The following FREM3 variants were observed in gnomAD, a reference collection of about 807,000 sequenced individuals.
The protein encoded by FREM3 is FRAS1-related extracellular matrix protein 3.
FREM3 carries 105 observed loss-of-function variants against 129.1 expected under a neutral mutation model. The observed-to-expected ratio is 0.81, with a 90% confidence interval of 0.69 to 0.96. The LOEUF (loss-of-function observed/expected upper bound fraction) is 0.96. FREM3 is among the 40% of genes least tolerant of loss of function. FREM3 has a pLI of 0.00. For missense variants in FREM3, 2,593 were observed against 2,666.3 expected (o/e 0.97, Z 0.61); for synonymous variants, 1,014 against 1,044.9 (o/e 0.97, Z 0.57).
intron 2 of FREM3, among the ~76,000 whole-genome samples, chr4:143,646,495 G>A (rs528711842): frequency 6.6e-6 from 1 of 152,246 alleles, no homozygotes; most frequent in South Asian, 2.1e-4. Context: ...GAATCATGGG[G>A]GCAGTTTCAG....
intron 2 of FREM3, among the ~76,000 whole-genome samples, chr4:143,637,218 C>G (rs1209950854): frequency 2.0e-5 from 3 of 152,092 alleles, no homozygotes; most frequent in Admixed American, 2.0e-4. Context: ...TTCACATGCA[C>G]AGCTCCAGTT....
intron 2 of FREM3, among the ~76,000 whole-genome samples, chr4:143,691,433 G>A (rs1293167632): frequency 3.3e-5 from 5 of 151,916 alleles, no homozygotes; most frequent in African/African-American, 1.2e-4. Flanking sequence ...AAAAAAGAAA[G>A]TGCAGCCTTG....
At chr4:143,607,857 A>C (rs981496744) in intron 6 of FREM3, among the ~76,000 whole-genome samples, 1 of 152,196 alleles carries the variant, frequency 6.6e-6, no homozygotes, top group Admixed American at 6.5e-5. Flanking sequence ...TCAGAAGTCT[A>C]ACTAAAATAA....
rs1468269146 is a variant in FREM3, at chr4:143,699,789, A to T, written c.887T>A (p.Ile296Asn). The T allele has an allele frequency of 6.5e-7, 1 of 1,535,766 alleles. No homozygotes were observed. Among genetic ancestry groups the T allele is most frequent in the East Asian group, 2.4e-5 (1 of 40,888 alleles). Residue 296 changes from isoleucine (I) to asparagine (N), a missense_variant, in exon 1 of 8, where the codon ATC (isoleucine) becomes AAC (asparagine). Ile to Asn is a moderately radical substitution (Grantham distance 149). Around this residue, in one of 2 missense-constraint regions of FREM3, gnomAD observed 2,276 missense variants for 2,267.2 expected, o/e 1.00. Coordinates refer to ENST00000329798, the MANE Select transcript of FREM3 (RefSeq NM_001168235.2). This position sits in a 1 kb window ranked among gnomAD's most constrained non-coding sequence, Gnocchi z 4.2. ...CGGTGTGTTCTCGGCTCCGCCGCGG[A>T]TCCTCACGAGCAGCTGGAAGTGCTC... ...VREHFQLLVR[I>N]RGGAENTPPR...
At chr4:143,660,199 G>T (rs1466229974) in intron 2 of FREM3, among the ~76,000 whole-genome samples, 2 of 147,938 alleles carry the variant, frequency 1.4e-5, no homozygotes, top group Admixed American at 1.3e-4. Context: ...TTTCTTCTAG[G>T]GTTTTTAATG....
In FREM3 at chr4:143,670,377, G is replaced by A. The variant is rs1047760776; in HGVS notation, c.5275+22736C>T. On this transcript the variant is annotated intron_variant, in intron 2 of 7. Coordinates refer to ENST00000329798, the MANE Select transcript of FREM3 (RefSeq NM_001168235.2). ...TTCTGAAGAGTTGTTGTATATACATGCCTCATATATTAATATACACATATG... is the reference window on the plus strand; with the variant it reads ...TTCTGAAGAGTTGTTGTATATACATACCTCATATATTAATATACACATATG... 2.0e-5 allele frequency among the ~76,000 whole-genome samples: 3 copies of A among 152,076 alleles called. No homozygotes were observed. The East Asian group carries it at 5.8e-4, about 29-fold the overall frequency.
At position 143,679,906 on chromosome 4, in the gene FREM3, C is replaced by T. The variant is rs886836073; in HGVS notation, c.5275+13207G>A. Among the ~76,000 whole-genome samples the T allele has an allele frequency of 3.9e-5, 6 of 152,158 alleles. No individual in the cohort carries two copies. The East Asian group carries it at 9.7e-4, about 25-fold the overall frequency. ...CTGAGATAAATCGCCCTGATTCTCT[C>T]GTTTGGATTTTTGAACCCATTACAT... On this transcript the variant is annotated intron_variant, in intron 2 of 7. Transcript: ENST00000329798.
chr4:143,646,100 A>G (rs1372715542), intron 2 of FREM3, among the ~76,000 whole-genome samples: 1 of 152,094 alleles, frequency 6.6e-6, no homozygotes, highest in African/African-American at 2.4e-5. Flanking sequence ...GAAGATTGAA[A>G]CTCAGATCCT....
intron 5 of FREM3, among the ~76,000 whole-genome samples, chr4:143,619,991 G>A (rs1738917816): frequency 6.6e-6 from 1 of 152,098 alleles, no homozygotes; most frequent in African/African-American, 2.4e-5. Context: ...ATATACAGAT[G>A]GAAAATGGCC....
At chr4:143,646,337 T>C (rs1393271175) in intron 2 of FREM3, among the ~76,000 whole-genome samples, 2 of 152,226 alleles carry the variant, frequency 1.3e-5, no homozygotes, top group Non-Finnish European at 2.9e-5. Context: ...TATTAGGACA[T>C]GCTGTATTTT....
intron 2 of FREM3, among the ~76,000 whole-genome samples, chr4:143,679,358 A>T (rs1740209355): frequency 6.6e-6 from 1 of 152,130 alleles, no homozygotes; most frequent in Admixed American, 6.6e-5. Context: ...TGGTGTGAAA[A>T]AGTGTTGCCT....
intron 2 of FREM3, among the ~76,000 whole-genome samples, chr4:143,660,567 G>T (rs1453563870): frequency 6.6e-6 from 1 of 152,138 alleles, no homozygotes; most frequent in South Asian, 2.1e-4. Flanking sequence ...GGCGATGCGG[G>T]CTCTTTTTTG....
chr4:143,694,977 G>T (rs957245903), intron 1 of FREM3, among the ~76,000 whole-genome samples: 2 of 152,038 alleles, frequency 1.3e-5, no homozygotes, highest in African/African-American at 4.8e-5. Flanking sequence ...AAATATAAAA[G>T]AAAAAATAAT....
intron 6 of FREM3, among the ~76,000 whole-genome samples, chr4:143,594,694 C>T (rs1578826675): frequency 6.6e-6 from 1 of 152,170 alleles, no homozygotes; most frequent in Non-Finnish European, 1.5e-5. Context: ...TGTCAGAACT[C>T]AAGCCTCTGA....
chr4:143,688,122 T>A (rs762840651), intron 2 of FREM3, among the ~76,000 whole-genome samples: 1 of 152,108 alleles, frequency 6.6e-6, no homozygotes, highest in Non-Finnish European at 1.5e-5. Context: ...CCCTAAGGAC[T>A]CCTCCAGAAA....
At chr4:143,639,177 T>C (rs1406060088) in intron 2 of FREM3, among the ~76,000 whole-genome samples, 1 of 152,162 alleles carries the variant, frequency 6.6e-6, no homozygotes, top group Non-Finnish European at 1.5e-5. Flanking sequence ...GCAGAAATCA[T>C]AGAAGGAGAT....
chr4:143,691,473 C>T (rs1740469452), intron 2 of FREM3, among the ~76,000 whole-genome samples: 1 of 152,030 alleles, frequency 6.6e-6, no homozygotes, highest in Non-Finnish European at 1.5e-5. Flanking sequence ...CCAGTAAGGA[C>T]CATTTTGGAT....
At chr4:143,654,063 A>AGTAC (rs1739555617) in intron 2 of FREM3, among the ~76,000 whole-genome samples, 1 of 152,224 alleles carries the variant, frequency 6.6e-6, no homozygotes, top group African/African-American at 2.4e-5. Flanking sequence ...GTCTAAATCC[A>AGTAC]GTACAACAAA....
At chr4:143,678,568 G>T (rs543101043) in intron 2 of FREM3, among the ~76,000 whole-genome samples, 4 of 151,624 alleles carry the variant, frequency 2.6e-5, no homozygotes, top group African/African-American at 9.7e-5. Context: ...GTAAAAAGAA[G>T]AAAAAGCCTG....
Sources: allele counts gnomAD v4.1 joint callset (sites outside exome capture counted in the v4.1 genomes callset), GRCh38; gene constraint gnomAD v4.1.1; regional missense constraint gnomAD v4.1.1; non-coding constraint Gnocchi (gnomAD v3.1); transcripts MANE v1.5; gene names NCBI Gene and HGNC (gene_info 2026-07-23, HGNC 2026-07-21).